Variants in ST8SIA4 observed in about 807,000 individuals in gnomAD.
The protein encoded by ST8SIA4 is ST8 alpha-N-acetyl-neuraminide alpha-2,8-sialyltransferase 4.
ST8SIA4 carries 15 observed loss-of-function variants against 33.9 expected under a neutral mutation model. The ratio of observed to expected loss-of-function variants is 0.44; its 90% CI spans 0.30 to 0.68. The LOEUF (loss-of-function observed/expected upper bound fraction) is 0.68. Ranked by LOEUF, ST8SIA4 falls within the 30% of genes least tolerant of loss-of-function variation. ST8SIA4 has a pLI of 0.10. For missense variants in ST8SIA4, 321 were observed against 428.0 expected, an observed-to-expected ratio of 0.75 and a Z score of 2.21; for synonymous variants, 171 against 151.2, an observed-to-expected ratio of 1.13 and a Z score of -0.96.
intron 4 of ST8SIA4, among the ~76,000 whole-genome samples, chr5:100,849,932 C>A (rs570100856): frequency 6.6e-6 from 1 of 152,284 alleles, no homozygotes; most frequent in African/African-American, 2.4e-5. Flanking sequence ...GTTTATGTAG[C>A]CCATTTATCT....
At chr5:100,812,424 A>G (rs1487306173) in intron 4 of ST8SIA4, among the ~76,000 whole-genome samples, 2 of 152,156 alleles carry the variant, frequency 1.3e-5, no homozygotes, top group Non-Finnish European at 2.9e-5. Flanking sequence ...GCAAACATTT[A>G]TATAACATGC....
intron 3 of ST8SIA4, among the ~76,000 whole-genome samples, chr5:100,857,494 T>C (rs1347330943): frequency 2.0e-5 from 3 of 151,976 alleles, no homozygotes; most frequent in Non-Finnish European, 4.4e-5. Flanking sequence ...GAAAAAGTTG[T>C]TTGAATCGAT....
At chr5:100,853,912 A>T (rs185608373) in intron 4 of ST8SIA4, among the ~76,000 whole-genome samples, 6 of 152,188 alleles carry the variant, frequency 3.9e-5, no homozygotes, top group Non-Finnish European at 8.8e-5. Context: ...TTCCATAGTC[A>T]GGGAGGACTT....
At chr5:100,895,069 G>A (rs1304767187) in intron 2 of ST8SIA4, among the ~76,000 whole-genome samples, 1 of 151,954 alleles carries the variant, frequency 6.6e-6, no homozygotes, top group East Asian at 1.9e-4. Flanking sequence ...ATTACATACT[G>A]GATAAACGTA....
At chr5:100,813,793 G>C (rs998940484) in intron 4 of ST8SIA4, among the ~76,000 whole-genome samples, 2 of 151,906 alleles carry the variant, frequency 1.3e-5, no homozygotes, top group African/African-American at 4.8e-5. Flanking sequence ...GGTTGCAGAG[G>C]TTAGGTGATA....
chr5:100,864,420 A>C (rs1041409355), intron 3 of ST8SIA4, among the ~76,000 whole-genome samples: 1 of 151,746 alleles, frequency 6.6e-6, no homozygotes, highest in Admixed American at 6.6e-5. Context: ...TAAAAACACA[A>C]AAAAATTAGC....
intron 3 of ST8SIA4, chr5:100,886,088 C>T: frequency 8.3e-7 from 1 of 1,202,896 alleles, no homozygotes; most frequent in Non-Finnish European, 1.0e-6. Flanking sequence ...TGCCATTTGC[C>T]TCCCCCCTCA....
At chr5:100,849,522 C>G (rs1751641188) in intron 4 of ST8SIA4, 2 of 921,728 alleles carry the variant, frequency 2.2e-6, no homozygotes, top group South Asian at 1.0e-4. Flanking sequence ...TGGCTCACGC[C>G]TGTAATCCCC....
chr5:100,868,034 C>T (rs1490248096), intron 3 of ST8SIA4, among the ~76,000 whole-genome samples: 1 of 151,992 alleles, frequency 6.6e-6, no homozygotes, highest in African/African-American at 2.4e-5. Flanking sequence ...TTCTTATCCT[C>T]TGTATCTGAT....
At chr5:100,871,200 A>G (rs1391048146) in intron 3 of ST8SIA4, among the ~76,000 whole-genome samples, 1 of 152,022 alleles carries the variant, frequency 6.6e-6, no homozygotes, top group Non-Finnish European at 1.5e-5. Context: ...ATTTTGTCAT[A>G]AAAGAGTTAG....
chr5:100,864,940 T>C (rs2059845), intron 3 of ST8SIA4, among the ~76,000 whole-genome samples: 2 of 152,194 alleles, frequency 1.3e-5, no homozygotes, highest in South Asian at 4.1e-4. Context: ...TCTGTTCTTA[T>C]CTTGTCCATA....
intron 3 of ST8SIA4, among the ~76,000 whole-genome samples, chr5:100,863,277 AAGTT>A (rs1349462863): frequency 6.6e-6 from 1 of 152,194 alleles, no homozygotes; most frequent in African/African-American, 2.4e-5. Context: ...GTGTGGGAAA[AAGTT>A]AGGTAATTAA....
chr5:100,807,983 T>C lies in ST8SIA4; in HGVS notation c.*3864A>G, dbSNP rs1011053870. 2.0e-5 allele frequency: 3 copies of C among 152,570 alleles called. No individual in the cohort carries two copies. Among genetic ancestry groups the C allele is most frequent in the Admixed American group, 2.0e-4 (3 of 15,276 alleles). The allele number at this position is 152,570 out of a possible 1,614,324, so 9.5% of individuals were successfully genotyped here. The stretch of plus-strand genomic sequence containing the variant: ...ACTCAATTTTTAAAACATTGGTATA[T>C]TGATAATGTTTGATGGGAAAACTTT... On this transcript the variant is annotated 3_prime_UTR_variant, in exon 5 of 5. Transcript: ENST00000231461.
At chr5:100,859,340 TAGA>T (rs1462256240) in intron 3 of ST8SIA4, among the ~76,000 whole-genome samples, 2 of 152,092 alleles carry the variant, frequency 1.3e-5, no homozygotes, top group African/African-American at 4.8e-5. Context: ...TCTCATAAAA[TAGA>T]GGAGTAGCCA....
At chr5:100,847,310 T>G (rs547593871) in intron 4 of ST8SIA4, among the ~76,000 whole-genome samples, 5 of 152,134 alleles carry the variant, frequency 3.3e-5, no homozygotes, top group Non-Finnish European at 5.9e-5. Context: ...GATTGAATAC[T>G]CCAAAACAAT....
intron 4 of ST8SIA4, among the ~76,000 whole-genome samples, chr5:100,852,311 G>C (rs578035080): frequency 6.6e-6 from 1 of 151,188 alleles, no homozygotes; most frequent in Non-Finnish European, 1.5e-5. Context: ...TAGTAGAGGC[G>C]GGGTTTCGCC....
chr5:100,854,604 C>G (rs1412442820), intron 4 of ST8SIA4, among the ~76,000 whole-genome samples: 1 of 151,384 alleles, frequency 6.6e-6, no homozygotes, highest in East Asian at 1.9e-4. Context: ...CAAAACAAAA[C>G]AAAACACAAA....
chr5:100,852,222 A>C (rs1389084440), intron 4 of ST8SIA4, among the ~76,000 whole-genome samples: 1 of 148,178 alleles, frequency 6.7e-6, no homozygotes, highest in Non-Finnish European at 1.5e-5. Flanking sequence ...CCTGGGTTCA[A>C]GTGATTCTCC....
rs533577549 is a variant in ST8SIA4 at position 100,886,752 on chromosome 5, A to T, written c.246-152T>A. 207 of 664,126 alleles carry T rather than the reference A, an allele frequency of 3.1e-4. 3 individuals carry two copies. In the South Asian group the frequency reaches 3.7e-3, roughly 12 times the overall value. 41.1% of individuals were successfully genotyped at this position (664,126 alleles called of 1,614,324 possible). The stretch of plus-strand genomic sequence containing the variant: ...GGTAAGCTATGAATCTTAGGTGGTG[A>T]TTAAACCAATGAATTAAGTCGATTC... On this transcript the variant is annotated intron_variant, in intron 2 of 4. Transcript: ENST00000231461.
Sources: allele counts gnomAD v4.1 joint callset (sites outside exome capture counted in the v4.1 genomes callset), GRCh38; gene constraint gnomAD v4.1.1; transcripts MANE v1.5; gene names NCBI Gene and HGNC (gene_info 2026-07-23, HGNC 2026-07-21).